Variants in MYT1L observed in about 807,000 individuals in gnomAD.
The protein encoded by MYT1L is myelin transcription factor 1 like, also known as myelin transcription factor 1-like protein.
MYT1L carries 12 observed loss-of-function variants against 126.7 expected under a neutral mutation model. That is an observed-to-expected ratio of 0.09 (90% confidence interval 0.06 to 0.15). MYT1L has a LOEUF of 0.15. Ranked by LOEUF, MYT1L falls within the 10% of genes least tolerant of loss-of-function variation. The pLI, the probability that MYT1L is intolerant of heterozygous loss-of-function variation, is 1.00. For missense variants in MYT1L, 979 were observed against 1,585.2 expected (o/e 0.62, Z 6.49); for synonymous variants, 541 against 604.2 (o/e 0.90, Z 1.53).
chr2:2,264,776 G>A (rs938380736), intron 2 of MYT1L, among the ~76,000 whole-genome samples: 1 of 152,168 alleles, frequency 6.6e-6, no homozygotes, highest in Non-Finnish European at 1.5e-5. Context: ...AAAATGTCCA[G>A]AGGAATTCAG....
chr2:2,202,677 G>A (rs1485000972), intron 2 of MYT1L, among the ~76,000 whole-genome samples: 5 of 152,194 alleles, frequency 3.3e-5, no homozygotes, highest in African/African-American at 7.2e-5. Context: ...ATTCACAGCC[G>A]AATTCTACCA....
At chr2:1,817,167 T>G (rs148532175) in intron 21 of MYT1L, among the ~76,000 whole-genome samples, 161 of 152,344 alleles carry the variant, frequency 1.1e-3, no homozygotes, top group Non-Finnish European at 1.6e-3. Flanking sequence ...ATTAGGGATC[T>G]CCCCATCCTG....
intron 9 of MYT1L, among the ~76,000 whole-genome samples, chr2:1,941,724 T>C (rs184893637): frequency 2.0e-4 from 31 of 152,332 alleles, no homozygotes; most frequent in Admixed American, 7.8e-4. Context: ...TGTGTGTACA[T>C]ATGCATCTAT....
At chr2:2,011,845 T>C (rs2063856758) in intron 4 of MYT1L, among the ~76,000 whole-genome samples, 1 of 152,196 alleles carries the variant, frequency 6.6e-6, no homozygotes, top group African/African-American at 2.4e-5. Context: ...CCCACTGGGA[T>C]GTCCAGAAGC....
At chr2:1,841,838 A>T (rs2041769166) in intron 19 of MYT1L, 1 of 152,160 alleles carries the variant, frequency 6.6e-6, no homozygotes. Context: ...CTAGTGACTT[A>T]TTCCAGGCTT....
chr2:2,003,986 CA>C (rs2062720909), intron 4 of MYT1L, among the ~76,000 whole-genome samples: 1 of 150,540 alleles, frequency 6.6e-6, no homozygotes, highest in Non-Finnish European at 1.5e-5. Context: ...TTCTTTCCTG[CA>C]AGCGTTCTTT....
chr2:2,151,190 T>A (rs2148307061), intron 3 of MYT1L, among the ~76,000 whole-genome samples: 1 of 152,252 alleles, frequency 6.6e-6, no homozygotes, highest in Middle Eastern at 3.4e-3. Flanking sequence ...TAGTAAAAAC[T>A]CAGTGCCTAA....
intron 3 of MYT1L, among the ~76,000 whole-genome samples, chr2:2,170,365 T>C (rs1318213330): frequency 6.6e-6 from 1 of 152,252 alleles, no homozygotes; most frequent in Non-Finnish European, 1.5e-5. Flanking sequence ...ATCTGTTCTC[T>C]ACTGATGCTG....
Position 2,030,136 on chromosome 2 carries a change from C to T in MYT1L, c.-158+23842G>A, listed in dbSNP as rs544713554. Among the ~76,000 whole-genome samples the T allele has an allele frequency of 1.8e-4, 27 of 152,218 alleles. 1 individual carries two copies. In the South Asian group the frequency reaches 4.4e-3, roughly 25 times the overall value. Reference sequence around the variant, plus strand: ...TTTTTAAGATGGAGTCTTGCTCTGTCGCCCAGGCTGGAGTGCAATGGTGTG... The same window carrying T: ...TTTTTAAGATGGAGTCTTGCTCTGTTGCCCAGGCTGGAGTGCAATGGTGTG... On this transcript the variant is annotated intron_variant, in intron 4 of 24. Coordinates refer to ENST00000647738, the MANE Select transcript of MYT1L (RefSeq NM_001303052.2).
chr2:1,865,314 TGCGGCC>T (rs2045312031), intron 18 of MYT1L, among the ~76,000 whole-genome samples: 1 of 152,166 alleles, frequency 6.6e-6, no homozygotes, highest in Non-Finnish European at 1.5e-5. Context: ...GCCCTGCTCC[TGCGGCC>T]GTGCGGGGTT....
chr2:2,313,156 G>T (rs2096003426), intron 1 of MYT1L, among the ~76,000 whole-genome samples: 1 of 152,158 alleles, frequency 6.6e-6, no homozygotes, highest in South Asian at 2.1e-4. Context: ...TTAAGGCAGG[G>T]TGAAAGAAGG....
intron 13 of MYT1L, among the ~76,000 whole-genome samples, chr2:1,907,900 C>T (rs1054583781): frequency 5.3e-5 from 8 of 152,364 alleles, no homozygotes; most frequent in Non-Finnish European, 1.0e-4. Context: ...GCGGAAAGCC[C>T]GCAGGAGTCT....
chr2:2,161,883 GGAGAAT>G (rs1367515340), intron 3 of MYT1L, among the ~76,000 whole-genome samples: 1 of 152,196 alleles, frequency 6.6e-6, no homozygotes, highest in African/African-American at 2.4e-5. Flanking sequence ...GGAGCTCCAA[GGAGAAT>G]GAAAAGCAAA....
intron 3 of MYT1L, among the ~76,000 whole-genome samples, chr2:2,092,124 G>C (rs1157584930): frequency 6.6e-6 from 1 of 152,140 alleles, no homozygotes; most frequent in Non-Finnish European, 1.5e-5. Flanking sequence ...AAGAAATCTA[G>C]CTTTTGACCT....
intron 3 of MYT1L, among the ~76,000 whole-genome samples, chr2:2,124,863 G>A (rs2081487291): frequency 6.6e-6 from 1 of 152,162 alleles, no homozygotes; most frequent in Admixed American, 6.5e-5. Context: ...CTGCCTAGAA[G>A]CCTCCCCGAC....
chr2:1,958,004 G>C (rs766802546), intron 8 of MYT1L, among the ~76,000 whole-genome samples: 1 of 152,204 alleles, frequency 6.6e-6, no homozygotes, highest in Admixed American at 6.5e-5. Context: ...GGAAGCTCAC[G>C]CATGCCCCCA....
At chr2:1,830,712 G>T (rs6707674) in intron 21 of MYT1L, among the ~76,000 whole-genome samples, 1 of 151,972 alleles carries the variant, frequency 6.6e-6, no homozygotes, top group Non-Finnish European at 1.5e-5. Flanking sequence ...GAGACAGGAG[G>T]AAGGCCAGGC....
intron 4 of MYT1L, among the ~76,000 whole-genome samples, chr2:2,034,110 C>G (rs547015698): frequency 1.3e-5 from 2 of 152,286 alleles, no homozygotes; most frequent in South Asian, 4.1e-4. Flanking sequence ...CATTAAATCC[C>G]TATTGATTAA....
At chr2:1,894,606 G>A (rs2049341393) in intron 14 of MYT1L, among the ~76,000 whole-genome samples, 1 of 137,020 alleles carries the variant, frequency 7.3e-6, no homozygotes, top group African/African-American at 3.1e-5. Flanking sequence ...AAAAAACATT[G>A]CCCACATAAA....
Sources: gnomAD v4.1 joint callset for allele counts (sites outside exome capture counted in the v4.1 genomes callset) on GRCh38, gnomAD v4.1.1 for gene constraint, MANE v1.5 for transcripts, NCBI Gene and HGNC (gene_info 2026-07-23, HGNC 2026-07-21) for gene names.